Variants in CNTNAP4 observed in about 807,000 individuals in gnomAD.
The protein encoded by CNTNAP4 is contactin-associated protein-like 4.
A neutral mutation model predicts 148.4 loss-of-function variants in CNTNAP4; 98 were observed. The observed-to-expected ratio is 0.66, with a 90% CI of 0.56 to 0.78. CNTNAP4 has a LOEUF of 0.78. Ranked by LOEUF, CNTNAP4 falls within the 30% of genes least tolerant of loss-of-function variation. CNTNAP4 has a pLI of 0.00. For missense variants in CNTNAP4, 1,935 were observed against 1,565.6 expected, an observed-to-expected ratio of 1.24 and a Z score of -3.98; for synonymous variants, 730 against 565.1, an observed-to-expected ratio of 1.29 and a Z score of -4.14.
chr16:76,468,367 G>A (rs912932211), intron 10 of CNTNAP4, among the ~76,000 whole-genome samples: 77 of 152,008 alleles, frequency 5.1e-4, no homozygotes, highest in African/African-American at 1.3e-3. Flanking sequence ...CCAGCTACTC[G>A]GGAGGCTGAG....
intron 2 of CNTNAP4, among the ~76,000 whole-genome samples, chr16:76,352,779 C>T (rs1051470527): frequency 6.6e-6 from 1 of 151,898 alleles, no homozygotes; most frequent in Admixed American, 6.6e-5. Flanking sequence ...AAAATAATGC[C>T]CCAGGAGCAG....
chr16:76,538,104 ATATT>A lies in CNTNAP4; in HGVS notation c.2996-11_2996-8del. The A allele has an allele frequency of 8.3e-7, 1 of 1,203,226 alleles. No individual in the cohort carries two copies. Among genetic ancestry groups the A allele is most frequent in the African/African-American group, 1.6e-5 (1 of 63,068 alleles). The allele number at this position is 1,203,226 out of a possible 1,614,324, so 74.5% of individuals were successfully genotyped here. The stretch of plus-strand genomic sequence containing the variant: ...AAATTTTTAACAAAAATATATATAT[ATATT>A]ATTTCAGAGATTTCTGCATATTTTG... On this transcript the variant is annotated splice_polypyrimidine_tract_variant and splice_region_variant and intron_variant, in intron 18 of 23. Coordinates refer to ENST00000611870, the MANE Select transcript of CNTNAP4 (RefSeq NM_033401.5).
chr16:76,361,141 TA>T (rs201824458), intron 3 of CNTNAP4, among the ~76,000 whole-genome samples: 49 of 151,320 alleles, frequency 3.2e-4, no homozygotes, highest in African/African-American at 9.7e-4. Flanking sequence ...ATAATTGTGT[TA>T]AAAAAAAACT....
chr16:76,309,910 A>G, intron 1 of CNTNAP4: 1 of 701,792 alleles, frequency 1.4e-6, no homozygotes, highest in Non-Finnish European at 2.6e-6. Flanking sequence ...TGGAACTGTG[A>G]GTCCGGTTAA....
At chr16:76,526,119 C>T (rs1442246941) in intron 17 of CNTNAP4, among the ~76,000 whole-genome samples, 2 of 151,990 alleles carry the variant, frequency 1.3e-5, no homozygotes, top group Non-Finnish European at 2.9e-5. Context: ...GTGCAGTCTT[C>T]TCTGGAGTCC....
At chr16:76,387,464 C>T (rs2016608794) in intron 3 of CNTNAP4, among the ~76,000 whole-genome samples, 2 of 152,120 alleles carry the variant, frequency 1.3e-5, no homozygotes, top group South Asian at 4.1e-4. Context: ...AATTGATTTT[C>T]TCTCATTATT....
chr16:76,517,767 G>T (rs949762474), intron 15 of CNTNAP4, among the ~76,000 whole-genome samples: 1 of 151,998 alleles, frequency 6.6e-6, no homozygotes, highest in East Asian at 1.9e-4. Context: ...ACCAATTTTA[G>T]AACATGGTCA....
chr16:76,503,241 A>T (rs7350879), intron 15 of CNTNAP4, among the ~76,000 whole-genome samples: 24,947 of 152,048 alleles, frequency 0.16, 2,625 homozygotes, highest in Admixed American at 0.3. Context: ...TATTCAATCT[A>T]TTACTCATGG....
intron 3 of CNTNAP4, among the ~76,000 whole-genome samples, chr16:76,379,783 A>G (rs2015782124): frequency 6.6e-6 from 1 of 152,212 alleles, no homozygotes; most frequent in African/African-American, 2.4e-5. Context: ...TGACCAGGAC[A>G]ATGGTCCTTA....
At chr16:76,445,549 T>TATGCAATTGCTTTAGGCATTAA (rs1259964932) in intron 4 of CNTNAP4, among the ~76,000 whole-genome samples, 3 of 152,116 alleles carry the variant, frequency 2.0e-5, no homozygotes. Context: ...GGTTTAAGAG[T>TATGCAATTGCTTTAGGCATTAA]ATGCAATTGC....
intron 3 of CNTNAP4, among the ~76,000 whole-genome samples, 184 bp downstream of exon 3, chr16:76,355,695 A>G (rs964756466): frequency 2.6e-5 from 4 of 152,170 alleles, no homozygotes; most frequent in Admixed American, 1.3e-4. Context: ...ATTTATGAGA[A>G]TACTAAGGGT....
chr16:76,384,225 G>A (rs1469875206), intron 3 of CNTNAP4, among the ~76,000 whole-genome samples: 1 of 151,824 alleles, frequency 6.6e-6, no homozygotes, highest in Non-Finnish European at 1.5e-5. Flanking sequence ...TGTATTTCTG[G>A]TGGAGATGAG....
At chr16:76,536,140 G>A (rs1176837799) in intron 18 of CNTNAP4, among the ~76,000 whole-genome samples, 1 of 151,982 alleles carries the variant, frequency 6.6e-6, no homozygotes, top group Non-Finnish European at 1.5e-5. Flanking sequence ...ATGGCTGTCA[G>A]CAACCTGCCC....
At chr16:76,537,947 A>G (rs1479275693) in intron 18 of CNTNAP4, among the ~76,000 whole-genome samples, 169 bp from the exon 19 acceptor site, 2 of 152,104 alleles carry the variant, frequency 1.3e-5, no homozygotes, top group Admixed American at 6.6e-5. Context: ...AGCCATTTCA[A>G]AGATCATTTT....
chr16:76,419,680 T>A (rs2079111885), intron 3 of CNTNAP4, among the ~76,000 whole-genome samples: 1 of 152,086 alleles, frequency 6.6e-6, no homozygotes, highest in Admixed American at 6.6e-5. Flanking sequence ...TCATGTGTAC[T>A]AGCTTGTGCT....
At chr16:76,411,451 A>G (rs1250175250) in intron 3 of CNTNAP4, among the ~76,000 whole-genome samples, 2 of 151,374 alleles carry the variant, frequency 1.3e-5, no homozygotes, top group African/African-American at 4.8e-5. Flanking sequence ...TTCTTTCAGC[A>G]CTGAACAATA....
chr16:76,374,867 C>G (rs1156559749), intron 3 of CNTNAP4, among the ~76,000 whole-genome samples: 2 of 151,762 alleles, frequency 1.3e-5, no homozygotes, highest in East Asian at 1.9e-4. Flanking sequence ...CTCCTGGGTT[C>G]AAATGATTCT....
intron 15 of CNTNAP4, among the ~76,000 whole-genome samples, chr16:76,516,585 C>T (rs6564346): frequency 0.61 from 92,988 of 152,120 alleles, 29,333 homozygotes; most frequent in African/African-American, 0.78. Context: ...TGGCAACTTA[C>T]GTTCACAAAA....
intron 3 of CNTNAP4, among the ~76,000 whole-genome samples, chr16:76,399,489 T>C (rs1436279706): frequency 6.6e-6 from 1 of 152,212 alleles, no homozygotes; most frequent in Non-Finnish European, 1.5e-5. Flanking sequence ...AAGAAAATTG[T>C]CAATTATCAG....
Sources: gnomAD v4.1 joint callset for allele counts (sites outside exome capture counted in the v4.1 genomes callset) on GRCh38, gnomAD v4.1.1 for gene constraint, MANE v1.5 for transcripts, NCBI Gene and HGNC (gene_info 2026-07-23, HGNC 2026-07-21) for gene names.